Variants in ADAMTSL1 observed in about 807,000 individuals in gnomAD.
ADAMTSL1 encodes ADAMTS like 1, also known as ADAMTS-like protein 1.
Under a neutral mutation model 201.8 loss-of-function variants are expected in ADAMTSL1, and 126 were observed. The observed-to-expected ratio is 0.62, with a 90% CI of 0.54 to 0.72. The LOEUF (loss-of-function observed/expected upper bound fraction) is 0.72. ADAMTSL1 is among the 30% of genes least tolerant of loss of function. ADAMTSL1 has a pLI of 0.00. For synonymous variants in ADAMTSL1, 1,121 were observed against 903.4 expected (o/e 1.24, Z -4.32); for missense variants, 2,679 against 2,277.8 (o/e 1.18, Z -3.59).
intron 20 of ADAMTSL1, among the ~76,000 whole-genome samples, chr9:18,816,720 CTTTTTTTTTTTTTT>C (rs751791974): frequency 1.0e-4 from 4 of 39,722 alleles, no homozygotes; most frequent in East Asian, 9.0e-4. Context: ...AACCCTTGGT[CTTTTTTTTTTTTTT>C]TTTTTTTTTT....
intron 19 of ADAMTSL1, among the ~76,000 whole-genome samples, chr9:18,785,978 C>G (rs187562364): frequency 6.6e-6 from 1 of 152,170 alleles, no homozygotes; most frequent in Non-Finnish European, 1.5e-5. Context: ...CCTTGCTTAC[C>G]ACTTAACACT....
Position 18,777,715 on chromosome 9 carries a change from C to G in ADAMTSL1, c.3486C>G (p.Arg1162=), listed in dbSNP as rs888021968. Residue 1162 remains arginine (R), a synonymous_variant, in exon 19 of 29, where the codon CGC becomes CGG. Coordinates refer to ENST00000380548, the MANE Select transcript of ADAMTSL1 (RefSeq NM_001040272.6). ...DAGGGSRRPH[R]KPTILRKISA... is the part of the protein sequence containing the mutation. Reference sequence around the variant, plus strand: ...GGGGAGGCTCTCGAAGGCCACACCGCAAGCCCACCATCCTGCGCAAGATCT... The same window carrying G: ...GGGGAGGCTCTCGAAGGCCACACCGGAAGCCCACCATCCTGCGCAAGATCT... 5.0e-6 allele frequency: 8 copies of G among 1,613,496 alleles called. No individual in the cohort carries two copies. Among genetic ancestry groups the G allele is most frequent in the Non-Finnish European group, 6.8e-6 (8 of 1,179,728 alleles).
At chr9:18,673,047 C>T (rs1360646774) in intron 9 of ADAMTSL1, among the ~76,000 whole-genome samples, 1 of 152,194 alleles carries the variant, frequency 6.6e-6, no homozygotes, top group Non-Finnish European at 1.5e-5. Context: ...TTTCTTCTAT[C>T]TTTTCCCTTT....
At chr9:18,746,635 G>T (rs149541194) in intron 15 of ADAMTSL1, among the ~76,000 whole-genome samples, 1 of 152,050 alleles carries the variant, frequency 6.6e-6, no homozygotes, top group African/African-American at 2.4e-5. Context: ...GGGTGGGAAG[G>T]GTCTGCCATT....
intron 26 of ADAMTSL1, among the ~76,000 whole-genome samples, chr9:18,894,634 G>A (rs935585194): frequency 2.6e-5 from 4 of 152,100 alleles, no homozygotes; most frequent in African/African-American, 9.6e-5. Context: ...AAAAGAGGGT[G>A]GATTGTTGCT....
chr9:18,563,470 C>T (rs190861333), intron 3 of ADAMTSL1, among the ~76,000 whole-genome samples: 2 of 152,324 alleles, frequency 1.3e-5, no homozygotes, highest in Admixed American at 1.3e-4. Context: ...AGGTGTCTCT[C>T]AGTCAGGAGG....
At chr9:18,601,818 T>C (rs1824678284) in intron 4 of ADAMTSL1, among the ~76,000 whole-genome samples, 2 of 151,584 alleles carry the variant, frequency 1.3e-5, no homozygotes, top group African/African-American at 4.8e-5. Context: ...TATCTATACA[T>C]TTCCATAGAT....
chr9:18,604,204 A>G (rs1474669023), intron 4 of ADAMTSL1, among the ~76,000 whole-genome samples: 1 of 152,226 alleles, frequency 6.6e-6, no homozygotes, highest in Non-Finnish European at 1.5e-5. Flanking sequence ...AACATTTCCA[A>G]ATAAGGAAGG....
intron 1 of ADAMTSL1, among the ~76,000 whole-genome samples, chr9:18,023,575 C>T (rs919702418): frequency 2.0e-5 from 3 of 152,072 alleles, no homozygotes; most frequent in Non-Finnish European, 4.4e-5. Context: ...ACTTACATTC[C>T]CGTGGATGGA....
At chr9:18,492,521 T>G (rs570269120) in intron 1 of ADAMTSL1, among the ~76,000 whole-genome samples, 11 of 152,222 alleles carry the variant, frequency 7.2e-5, no homozygotes, top group Non-Finnish European at 1.5e-4. Flanking sequence ...CAAGAGTTGC[T>G]TTGTAACAAA....
chr9:18,618,528 G>A (rs945905864), intron 4 of ADAMTSL1, among the ~76,000 whole-genome samples: 27 of 127,144 alleles, frequency 2.1e-4, no homozygotes, highest in African/African-American at 4.5e-4. Context: ...GGGTATACAT[G>A]AAAAAAAAAA....
intron 2 of ADAMTSL1, among the ~76,000 whole-genome samples, chr9:18,254,550 A>G (rs1831602186): frequency 6.6e-6 from 1 of 151,338 alleles, no homozygotes; most frequent in Non-Finnish European, 1.5e-5. Context: ...TTTTTAGTAA[A>G]GACGGGGTTT....
chr9:18,253,874 C>T (rs189851699), intron 2 of ADAMTSL1, among the ~76,000 whole-genome samples: 1 of 152,318 alleles, frequency 6.6e-6, no homozygotes, highest in East Asian at 1.9e-4. Context: ...GAGGCAAGCA[C>T]CAGCAGTGAT....
chr9:18,074,909 C>G (rs770057806), intron 1 of ADAMTSL1, among the ~76,000 whole-genome samples: 1 of 152,144 alleles, frequency 6.6e-6, no homozygotes. Flanking sequence ...TTGCATTTCC[C>G]CTCACTGGAA....
intron 2 of ADAMTSL1, among the ~76,000 whole-genome samples, chr9:18,307,265 T>C (rs1833946199): frequency 6.6e-6 from 1 of 152,122 alleles, no homozygotes; most frequent in South Asian, 2.1e-4. Flanking sequence ...AGACCGTTGA[T>C]AGTATGAAGA....
intron 1 of ADAMTSL1, among the ~76,000 whole-genome samples, chr9:18,499,274 C>T (rs973151095): frequency 5.9e-5 from 9 of 152,260 alleles, no homozygotes. Context: ...ACACACTACG[C>T]TCTTTAAGAA....
chr9:17,922,767 T>C (rs13294429), intron 1 of ADAMTSL1, among the ~76,000 whole-genome samples: 15,955 of 152,176 alleles, frequency 0.1, 903 homozygotes, highest in South Asian at 0.2. Flanking sequence ...TATTTTAGTG[T>C]CTAGTTACAT....
chr9:18,083,348 G>A (rs748351024), intron 1 of ADAMTSL1, among the ~76,000 whole-genome samples: 6 of 152,132 alleles, frequency 3.9e-5, no homozygotes, highest in African/African-American at 9.7e-5. Flanking sequence ...AATATATGGA[G>A]ATATTCATCT....
chr9:18,081,067 A>C (rs1422300047), intron 1 of ADAMTSL1, among the ~76,000 whole-genome samples: 1 of 152,194 alleles, frequency 6.6e-6, no homozygotes, highest in Non-Finnish European at 1.5e-5. Flanking sequence ...TGATATCTTG[A>C]ACTGATCATT....
Sources: allele counts gnomAD v4.1 joint callset (sites outside exome capture counted in the v4.1 genomes callset), GRCh38; gene constraint gnomAD v4.1.1; transcripts MANE v1.5; gene names NCBI Gene and HGNC (gene_info 2026-07-23, HGNC 2026-07-21).